Variants in RBM20 observed in about 807,000 individuals in gnomAD.
The protein encoded by RBM20 is RNA-binding protein 20.
In RBM20, 51 loss-of-function variants were observed where a neutral mutation model predicts 110.1. That is an observed-to-expected ratio of 0.46 (90% confidence interval 0.37 to 0.59). The LOEUF is 0.59. Ranked by LOEUF, RBM20 falls within the 20% of genes least tolerant of loss-of-function variation. The pLI is 0.00. For missense variants in RBM20, 1,512 were observed against 1,574.9 expected (o/e 0.96, Z 0.68); for synonymous variants, 589 against 618.2 (o/e 0.95, Z 0.70).
rs191776559 is a variant in RBM20 at position 110,795,663 on chromosome 10, A to G, written c.1528-1845A>G. Reference sequence around the variant, plus strand: ...ATTAGATGTAGAAGTTCAGTTTAACATAGAAAATTGTGATTATGCAAATGG... The same window carrying G: ...ATTAGATGTAGAAGTTCAGTTTAACGTAGAAAATTGTGATTATGCAAATGG... On this transcript the variant is annotated intron_variant, in intron 5 of 13. Transcript: ENST00000369519. Among the ~76,000 whole-genome samples the G allele has an allele frequency of 2.9e-3, 448 of 152,336 alleles. 3 individuals are homozygous for G. Among genetic ancestry groups the G allele is most frequent in the African/African-American group, 0.01 (428 of 41,580 alleles).
intron 1 of RBM20, among the ~76,000 whole-genome samples, chr10:110,682,278 T>C (rs1443314840): frequency 6.6e-6 from 1 of 152,232 alleles, no homozygotes; most frequent in Non-Finnish European, 1.5e-5. Context: ...TCCTCCAGAA[T>C]ATGACAGTAC....
chr10:110,669,990 A>G (rs1413789002), intron 1 of RBM20, among the ~76,000 whole-genome samples: 23 of 152,218 alleles, frequency 1.5e-4, no homozygotes, highest in Non-Finnish European at 2.9e-5. Context: ...GTTGTTCCAG[A>G]AATGTTTGCT....
intron 1 of RBM20, among the ~76,000 whole-genome samples, chr10:110,654,405 A>G (rs1054397886): frequency 6.6e-6 from 1 of 152,198 alleles, no homozygotes; most frequent in African/African-American, 2.4e-5. Flanking sequence ...CCATCTCTTG[A>G]GTTGCAGTGC....
At chr10:110,747,296 T>TC (rs1554895215) in intron 1 of RBM20, among the ~76,000 whole-genome samples, 1 of 136,812 alleles carries the variant, frequency 7.3e-6, no homozygotes, top group Non-Finnish European at 1.6e-5. Context: ...ACTCTTTTTT[T>TC]GGGGGGGGGG....
At chr10:110,692,152 T>A (rs1208936521) in intron 1 of RBM20, among the ~76,000 whole-genome samples, 2 of 152,206 alleles carry the variant, frequency 1.3e-5, no homozygotes, top group Non-Finnish European at 2.9e-5. Flanking sequence ...AGTACCACAC[T>A]CTTTTGATTA....
chr10:110,741,893 G>A (rs1461328207), intron 1 of RBM20, among the ~76,000 whole-genome samples: 1 of 152,032 alleles, frequency 6.6e-6, no homozygotes, highest in Non-Finnish European at 1.5e-5. Context: ...CCCACCCAGT[G>A]TGAGGATGAT....
chr10:110,781,299 G>A lies in RBM20; in HGVS notation c.690G>A (p.Glu230=). Residue 230 remains glutamate (E), a synonymous_variant, in exon 2 of 14, where the codon GAG becomes GAA. Coordinates refer to ENST00000369519, the MANE Select transcript of RBM20 (RefSeq NM_001134363.3). ...GPAPATAGFY[E]YGKASSGQTY... ...CTCCAGCTACAGCAGGATTCTATGAGTATGGCAAAGCCAGCTCTGGCCAGA... is the reference window on the plus strand; with the variant it reads ...CTCCAGCTACAGCAGGATTCTATGAATATGGCAAAGCCAGCTCTGGCCAGA... 1.3e-6 allele frequency: 2 copies of A among 1,551,732 alleles called. No homozygotes were observed. Among genetic ancestry groups the A allele is most frequent in the Non-Finnish European group, 1.7e-6 (2 of 1,147,008 alleles).
intron 1 of RBM20, among the ~76,000 whole-genome samples, chr10:110,727,460 C>T (rs1843576393): frequency 7.1e-6 from 1 of 141,524 alleles, no homozygotes; most frequent in Non-Finnish European, 1.6e-5. Flanking sequence ...AGATGTGAGA[C>T]ACTATCTCAA....
chr10:110,757,164 A>G (rs747783922), intron 1 of RBM20, among the ~76,000 whole-genome samples: 22 of 152,048 alleles, frequency 1.4e-4, no homozygotes, highest in Non-Finnish European at 2.8e-4. Context: ...CACAGATTCC[A>G]CCTGCTTTTA....
intron 2 of RBM20, among the ~76,000 whole-genome samples, chr10:110,782,423 G>C (rs1363499011): frequency 6.6e-6 from 1 of 152,138 alleles, no homozygotes; most frequent in Non-Finnish European, 1.5e-5. Context: ...GAAATGCTTT[G>C]AGTTCCTGCA....
At chr10:110,792,789 G>A (rs1416327230) in intron 5 of RBM20, among the ~76,000 whole-genome samples, 1 of 152,164 alleles carries the variant, frequency 6.6e-6, no homozygotes, top group Non-Finnish European at 1.5e-5. Flanking sequence ...TCACTGCTTG[G>A]AGCTTATCTT....
At chr10:110,823,952 C>A (rs969145502) in intron 12 of RBM20, among the ~76,000 whole-genome samples, 1 of 151,406 alleles carries the variant, frequency 6.6e-6, no homozygotes, top group African/African-American at 2.4e-5. Context: ...GTCTTCACCT[C>A]CTGGGCTTAA....
Position 110,784,396 on chromosome 10 carries a change from A to C in RBM20, c.1393A>C (p.Asn465His). The C allele has an allele frequency of 1.3e-6, 2 of 1,551,504 alleles. No homozygotes were observed. The highest frequency in any genetic ancestry group is 1.7e-6 in the Non-Finnish European group (2 of 1,146,966). The change falls in exon 4 of 14, where the codon AAC becomes CAC. Residue 465 changes from asparagine to histidine, a missense_variant. Transcript: ENST00000369519. ...SAEGTLCASP[N>H]STAVYNPAGN... ...AGAGGGAACATTGTGTGCTTCTCCCAACAGCACAGCTGTTTATAACCCTGC... is the reference window on the plus strand; with the variant it reads ...AGAGGGAACATTGTGTGCTTCTCCCCACAGCACAGCTGTTTATAACCCTGC...
intron 1 of RBM20, among the ~76,000 whole-genome samples, chr10:110,684,441 G>GA (rs1160446911): frequency 8.6e-5 from 13 of 150,690 alleles, no homozygotes; most frequent in Non-Finnish European, 1.3e-4. Context: ...AAAAGAAAAA[G>GA]AAAACAGAAA....
rs182088668 is a variant in RBM20 at position 110,699,847 on chromosome 10, C to T, written c.191+55202C>T. Among the ~76,000 whole-genome samples, 864 of 152,084 alleles carry T rather than the reference C, an allele frequency of 5.7e-3. 33 individuals are homozygous for T. The highest frequency in any genetic ancestry group is 0.054 in the Admixed American group (832 of 15,276). ...CTTGTGCGTTGGGGCCATTATGAAGCGAAATAAGGATGTCTTGATCACACG... is the reference window on the plus strand; with the variant it reads ...CTTGTGCGTTGGGGCCATTATGAAGTGAAATAAGGATGTCTTGATCACACG... On this transcript the variant is annotated intron_variant, in intron 1 of 13. Coordinates refer to ENST00000369519, the MANE Select transcript of RBM20 (RefSeq NM_001134363.3).
chr10:110,684,611 A>G (rs760552666), intron 1 of RBM20, among the ~76,000 whole-genome samples: 1 of 152,226 alleles, frequency 6.6e-6, no homozygotes, highest in African/African-American at 2.4e-5. Flanking sequence ...CTAAAGAAGT[A>G]TGTGCTACAA....
In RBM20 at chr10:110,831,078, C is replaced by T; in HGVS notation, c.3469C>T (p.Pro1157Ser). The T allele has an allele frequency of 6.4e-7, 1 of 1,551,312 alleles. No homozygotes were observed. Among genetic ancestry groups the T allele is most frequent in the Non-Finnish European group, 8.7e-7 (1 of 1,146,740 alleles). Residue 1157 changes from proline (P) to serine (S), a missense_variant, in exon 13 of 14, where the codon CCC becomes TCC. Transcript: ENST00000369519. ...TTTCCCAGGGGTGGAGTTCGTGGTT[C>T]CCAGGACTGGCTTTTATTGCAAGCT... ...SIPLGVEFVV[P>S]RTGFYCKLCG...
chr10:110,821,493 C>A lies in RBM20; in HGVS notation c.2874C>A (p.Ala958=). ...CAACCACCTTAGACTTAGACCTGGCCCAGGATTTCCCCAAGGAAGGAGTCA... is the reference window on the plus strand; with the variant it reads ...CAACCACCTTAGACTTAGACCTGGCACAGGATTTCCCCAAGGAAGGAGTCA... The part of the protein sequence containing the change: ...CVTTTLDLDL[A]QDFPKEGVKA... Residue 958 remains alanine, a synonymous_variant, in exon 11 of 14, where the codon GCC becomes GCA. Coordinates refer to ENST00000369519, the MANE Select transcript of RBM20 (RefSeq NM_001134363.3). 1 of 1,551,932 alleles carries A rather than the reference C, an allele frequency of 6.4e-7. No individual in the cohort carries two copies. The highest frequency in any genetic ancestry group is 8.7e-7 in the Non-Finnish European group (1 of 1,147,038).
At chr10:110,827,233 T>A (rs759516751) in intron 12 of RBM20, among the ~76,000 whole-genome samples, 1 of 151,910 alleles carries the variant, frequency 6.6e-6, no homozygotes, top group African/African-American at 2.4e-5. Context: ...AAAATAAAAC[T>A]AGCCAGGAGT....
Sources: allele counts gnomAD v4.1 joint callset (sites outside exome capture counted in the v4.1 genomes callset), GRCh38; gene constraint gnomAD v4.1.1; transcripts MANE v1.5; gene names NCBI Gene and HGNC (gene_info 2026-07-23, HGNC 2026-07-21).